ABCD3: variants seen among roughly 807,000 people sequenced by gnomAD.
The protein encoded by ABCD3 is ATP-binding cassette sub-family D member 3.
In ABCD3, 41 loss-of-function variants were observed where a neutral mutation model predicts 105.5. That is an observed-to-expected ratio of 0.39 (90% confidence interval 0.30 to 0.50). The LOEUF (loss-of-function observed/expected upper bound fraction) is 0.50. Ranked by LOEUF, ABCD3 falls within the 20% of genes least tolerant of loss-of-function variation. The probability of loss-of-function intolerance (pLI) is 0.84; values close to 1 mark genes in which losing one functional copy is unlikely to be tolerated. For missense variants in ABCD3, 622 were observed against 806.3 expected (o/e 0.77, Z 2.77); for synonymous variants, 258 against 269.0 (o/e 0.96, Z 0.40).
chr1:94,511,112 T>C (rs1234265289), intron 21 of ABCD3, among the ~76,000 whole-genome samples: 1 of 152,124 alleles, frequency 6.6e-6, no homozygotes, highest in Non-Finnish European at 1.5e-5. Flanking sequence ...TTTGGCATGA[T>C]TTTGCAGCGG....
At chr1:94,480,242 T>C (rs1648971237) in intron 8 of ABCD3, 7 of 576,934 alleles carry the variant, frequency 1.2e-5, no homozygotes, top group Non-Finnish European at 2.1e-5. Flanking sequence ...GTAGGAGAGC[T>C]GAGGGATAAG....
chr1:94,491,989 C>T (rs560397912), intron 16 of ABCD3, among the ~76,000 whole-genome samples: 20 of 152,192 alleles, frequency 1.3e-4, no homozygotes, highest in East Asian at 1.2e-3. Context: ...AACACTTTCC[C>T]GTAGAACTTT....
In ABCD3 at chr1:94,488,083, TCCTAGC is replaced by T. The variant is rs1200869396; in HGVS notation, c.1157+103_1157+108del. 1.0e-5 allele frequency: 10 copies of T among 993,130 alleles called. No individual in the cohort carries two copies. The Admixed American group carries it at 1.8e-4, about 18-fold the overall frequency. The allele number at this position is 993,130 out of a possible 1,614,324, so 61.5% of individuals were successfully genotyped here. On this transcript the variant is annotated intron_variant, in intron 13 of 22. Transcript: ENST00000370214. ...GAGATTAAGATAAGGGGTCAACATT[TCCTAGC>T]CCAGGAAGGTGGTTTTGATAGAAAA...
the ABCD3 span, among the ~76,000 whole-genome samples, chr1:94,391,571 A>T: frequency 1.3e-5 from 2 of 151,404 alleles, no homozygotes; most frequent in Non-Finnish European, 2.9e-5. Context: ...TCTTCTGTCA[A>T]GCCCAGCCTA....
At chr1:94,470,568 G>T (rs901671588) in intron 4 of ABCD3, among the ~76,000 whole-genome samples, 1 of 151,606 alleles carries the variant, frequency 6.6e-6, no homozygotes, top group Non-Finnish European at 1.5e-5. Context: ...ACATTGGTAT[G>T]AATTTTTTTT....
intron 10 of ABCD3, among the ~76,000 whole-genome samples, chr1:94,486,307 A>T (rs967981790): frequency 6.6e-6 from 1 of 152,182 alleles, no homozygotes; most frequent in Non-Finnish European, 1.5e-5. Context: ...CCTGGAACCA[A>T]TCCCATCCCC....
intron 16 of ABCD3, among the ~76,000 whole-genome samples, chr1:94,492,403 T>C (rs1171563076): frequency 2.6e-5 from 4 of 152,206 alleles, no homozygotes; most frequent in Admixed American, 1.3e-4. Context: ...TTCTTCTCAA[T>C]GAATTATAAA....
chr1:94,444,697 G>A (rs903665615), intron 1 of ABCD3, among the ~76,000 whole-genome samples: 1 of 152,164 alleles, frequency 6.6e-6, no homozygotes, highest in African/African-American at 2.4e-5. Flanking sequence ...AAGTTCAGTG[G>A]TTTCAGCGAT....
chr1:94,425,240 A>G, intron 1 of ABCD3, among the ~76,000 whole-genome samples: 2 of 152,350 alleles, frequency 1.3e-5, no homozygotes, highest in Middle Eastern at 6.8e-3. Flanking sequence ...TAACCATAAT[A>G]CAAATATTGT....
the ABCD3 span, among the ~76,000 whole-genome samples, chr1:94,403,771 A>G: frequency 6.6e-6 from 1 of 152,096 alleles, no homozygotes; most frequent in Non-Finnish European, 1.5e-5. Flanking sequence ...TGATTTTTTA[A>G]TCAACTTTTT....
chr1:94,415,028 C>T (rs1306105125), upstream of ABCD3, among the ~76,000 whole-genome samples: 1 of 152,188 alleles, frequency 6.6e-6, no homozygotes, highest in Non-Finnish European at 1.5e-5. Context: ...GCAAGCTGGT[C>T]TGGCTCCTGG....
chr1:94,472,456 T>G (rs1351121052), intron 4 of ABCD3, among the ~76,000 whole-genome samples: 3 of 11,086 alleles, frequency 2.7e-4, no homozygotes, highest in East Asian at 2.5e-3. Flanking sequence ...TAGTTAGCGT[T>G]TTTTTTTTTT....
chr1:94,494,558 G>GA (rs1649703496), intron 16 of ABCD3, among the ~76,000 whole-genome samples: 1 of 152,102 alleles, frequency 6.6e-6, no homozygotes, highest in African/African-American at 2.4e-5. Context: ...TGGCTTACTT[G>GA]AAAATAAAGA....
intron 22 of ABCD3, 84 bp downstream of exon 22, chr1:94,515,286 A>C (rs1232079062): frequency 8.7e-7 from 1 of 1,146,476 alleles, no homozygotes; most frequent in Non-Finnish European, 1.3e-6. Flanking sequence ...TTTAGATTTT[A>C]TGGTTTGTAT....
chr1:94,483,575 A>G (rs1443807107), intron 10 of ABCD3, among the ~76,000 whole-genome samples: 2 of 152,308 alleles, frequency 1.3e-5, no homozygotes, highest in African/African-American at 4.8e-5. Context: ...GGTGCTGGGA[A>G]AACTGGCTAG....
chr1:94,505,636 A>G (rs191768563), intron 20 of ABCD3, among the ~76,000 whole-genome samples: 1 of 152,268 alleles, frequency 6.6e-6, no homozygotes, highest in Admixed American at 6.5e-5. Context: ...AATACAGGAA[A>G]AAGAGGAGGA....
intron 4 of ABCD3, among the ~76,000 whole-genome samples, chr1:94,471,738 AG>A (rs1424613362): frequency 6.6e-6 from 1 of 152,162 alleles, no homozygotes; most frequent in Non-Finnish European, 1.5e-5. Context: ...TCAGTATTTA[AG>A]CTACAGTGCA....
chr1:94,502,205 G>A (rs1052457245), intron 20 of ABCD3, among the ~76,000 whole-genome samples: 3 of 152,172 alleles, frequency 2.0e-5, no homozygotes, highest in Admixed American at 6.5e-5. Flanking sequence ...TGGGCTCACA[G>A]CATGGCTTAG....
At chr1:94,401,205 T>C in the ABCD3 span, among the ~76,000 whole-genome samples, 1 of 152,238 alleles carries the variant, frequency 6.6e-6, no homozygotes, top group East Asian at 1.9e-4. Context: ...AACTAATCAT[T>C]TTATTGCTTG....
Sources: gnomAD v4.1 joint callset for allele counts (sites outside exome capture counted in the v4.1 genomes callset) on GRCh38, gnomAD v4.1.1 for gene constraint, MANE v1.5 for transcripts, NCBI Gene and HGNC (gene_info 2026-07-23, HGNC 2026-07-21) for gene names.